VPS29: variants seen among roughly 807,000 people sequenced by gnomAD.
VPS29 encodes the protein vacuolar protein sorting-associated protein 29.
Under a neutral mutation model 20.0 loss-of-function variants are expected in VPS29, and 2 were observed. That is an observed-to-expected ratio of 0.10 (90% CI 0.04 to 0.31). The LOEUF (loss-of-function observed/expected upper bound fraction) is 0.31. VPS29 is among the 10% of genes least tolerant of loss of function. The pLI is 1.00. For missense variants in VPS29, 120 were observed against 215.3 expected (o/e 0.56, Z 2.77); for synonymous variants, 81 against 79.3 (o/e 1.02, Z -0.12).
At chr12:110,501,371 T>C (rs1174141257) in intron 1 of VPS29, 23 of 1,534,430 alleles carry the variant, frequency 1.5e-5, no homozygotes, top group Non-Finnish European at 1.9e-5. Context: ...TTCACAAAAA[T>C]TTCCCAACAG....
In VPS29 at chr12:110,493,235, A is replaced by C. The variant is rs2062847240; in HGVS notation, c.196-4T>G. ...TCTGTTCTGGATAATTCAGATTCTAACATAAGAAAAAGACGTAAGAAAATA... is the reference window on the plus strand; with the variant it reads ...TCTGTTCTGGATAATTCAGATTCTACCATAAGAAAAAGACGTAAGAAAATA... On this transcript the variant is annotated splice_polypyrimidine_tract_variant and splice_region_variant and intron_variant, in intron 2 of 3. Coordinates refer to ENST00000549578, the MANE Select transcript of VPS29 (RefSeq NM_016226.5). 6.7e-7 allele frequency: 1 copy of C among 1,486,958 alleles called. No homozygotes were observed. The allele number at this position is 1,486,958 out of a possible 1,614,324, so 92.1% of individuals were successfully genotyped here. A position where few individuals can be genotyped will look rare whatever the true frequency, so the allele number is the denominator to read the frequency against.
intron 1 of VPS29, chr12:110,496,791 G>C (rs569899802): frequency 6.6e-6 from 1 of 152,310 alleles, no homozygotes; most frequent in Admixed American, 6.5e-5. Context: ...CTATGTGCAA[G>C]CATAATAGCC....
At chr12:110,499,398 T>A in intron 1 of VPS29, 1 of 1,271,238 alleles carries the variant, frequency 7.9e-7, no homozygotes, top group Non-Finnish European at 1.1e-6. Flanking sequence ...CTTATTAAAT[T>A]AAAATAAAGA....
intron 2 of VPS29, among the ~76,000 whole-genome samples, chr12:110,493,969 C>T (rs976650236): frequency 2.0e-5 from 3 of 152,118 alleles, no homozygotes; most frequent in African/African-American, 7.2e-5. Context: ...CCAGGCACTA[C>T]TGTAGGGGTT....
chr12:110,499,605 A>C (rs750337351), intron 1 of VPS29: 1 of 1,332,650 alleles, frequency 7.5e-7, no homozygotes, highest in Non-Finnish European at 1.1e-6. Flanking sequence ...AGGGTGAAAC[A>C]TGACCAATGT....
At chr12:110,501,690 T>A (rs1344554592) in intron 1 of VPS29, 1 of 1,430,204 alleles carries the variant, frequency 7.0e-7, no homozygotes, top group Non-Finnish European at 9.5e-7. Flanking sequence ...AGGAACCGTC[T>A]GGAAACGGAG....
In VPS29 at chr12:110,493,126, G is replaced by A. The variant is rs1169398697; in HGVS notation, c.301C>T (p.Leu101=). 15 of 1,613,902 alleles carry A rather than the reference G, an allele frequency of 9.3e-6. No homozygotes were observed. Among genetic ancestry groups the A allele is most frequent in the African/African-American group, 1.3e-5 (1 of 75,012 alleles). ...IPWGDMASLA[L]LQRQFDVDIL... is the part of the protein sequence containing the mutation. ...TCCACATCAAATTGCCTCTGCAACA[G>A]GGCTAAGCTGGCCATATCTCCCCAT... The change falls in exon 3 of 4, where the codon CTG becomes TTG. Residue 101 remains leucine (L), a synonymous_variant. Transcript: ENST00000549578.
intron 1 of VPS29, among the ~76,000 whole-genome samples, chr12:110,497,970 ATTTT>A: frequency 7.6e-6 from 1 of 131,434 alleles, no homozygotes. Flanking sequence ...AACAGAATCG[ATTTT>A]TTTTTTTTTT....
intron 3 of VPS29, among the ~76,000 whole-genome samples, chr12:110,492,587 C>T (rs2062833201): frequency 7.0e-6 from 1 of 142,882 alleles, no homozygotes; most frequent in African/African-American, 2.6e-5. Context: ...AAAAAAGTCA[C>T]ATTTATTTTT....
chr12:110,500,892 A>T (rs1222383525), intron 1 of VPS29, among the ~76,000 whole-genome samples: 4 of 152,144 alleles, frequency 2.6e-5, no homozygotes, highest in African/African-American at 9.7e-5. Context: ...TGAAAATATG[A>T]TTACAGGCCG....
intron 2 of VPS29, 47 bp downstream of exon 2, chr12:110,495,965 T>C: frequency 2.8e-6 from 4 of 1,433,062 alleles, no homozygotes; most frequent in Non-Finnish European, 3.7e-6. Context: ...ATGTAAGTAA[T>C]AATCAAGAAA....
intron 2 of VPS29, among the ~76,000 whole-genome samples, chr12:110,493,652 G>A (rs1054311470): frequency 2.6e-5 from 4 of 152,068 alleles, no homozygotes; most frequent in African/African-American, 7.2e-5. Context: ...CTGAGCCACT[G>A]TGCCCACCCC....
At chr12:110,501,114 A>T (rs528365741) in intron 1 of VPS29, among the ~76,000 whole-genome samples, 1 of 152,202 alleles carries the variant, frequency 6.6e-6, no homozygotes, top group Non-Finnish European at 1.5e-5. Flanking sequence ...CCCGGGCGGC[A>T]TTGCAGTGAG....
intron 3 of VPS29, among the ~76,000 whole-genome samples, chr12:110,492,670 G>A (rs2062837357): frequency 1.3e-5 from 2 of 149,930 alleles, no homozygotes; most frequent in Non-Finnish European, 3.0e-5. Flanking sequence ...CACCCTGGCT[G>A]GAGTACAGAG....
intron 1 of VPS29, chr12:110,501,610 C>A (rs777256154): frequency 6.5e-7 from 1 of 1,534,938 alleles, no homozygotes; most frequent in Non-Finnish European, 8.7e-7. Flanking sequence ...ACTTCCTGTT[C>A]TGCATTCGAG....
Position 110,501,509 on chromosome 12 carries a change from T to C in VPS29, c.3+540A>G, listed in dbSNP as rs187486741. 13 of 1,535,464 alleles carry C rather than the reference T, an allele frequency of 8.5e-6. 1 individual carries two copies. In the East Asian group the frequency reaches 2.9e-4, roughly 35 times the overall value. ...CTGAGAGCACACCTGCTCATCTCAATGGCAGCTAGATGTTATTTCAGGAGC... is the reference window on the plus strand; with the variant it reads ...CTGAGAGCACACCTGCTCATCTCAACGGCAGCTAGATGTTATTTCAGGAGC... On this transcript the variant is annotated intron_variant, in intron 1 of 3. Coordinates refer to ENST00000549578, the MANE Select transcript of VPS29 (RefSeq NM_016226.5).
At position 110,493,007 on chromosome 12, in the gene VPS29, A is replaced by G. The variant is rs1339423498; in HGVS notation, c.420T>C (p.Asn140=). 12 of 1,612,400 alleles carry G rather than the reference A, an allele frequency of 7.4e-6. No homozygotes were observed. Among genetic ancestry groups the G allele is most frequent in the Non-Finnish European group, 1.0e-5 (12 of 1,179,398 alleles). ...INPGSATGAY[N]ALETNIIPSF... The stretch of plus-strand genomic sequence containing the variant: ...TCTATACTACTCACGTTTCCAAGGC[A>G]TTATATGCCCCAGTGGCAGAACCTG... Residue 140 remains asparagine, a synonymous_variant, in exon 3 of 4, where the codon AAT becomes AAC. Transcript: ENST00000549578.
chr12:110,502,084 C>T lies in VPS29; in HGVS notation c.-33G>A. ...CCGGGCTCCGCTCAGTCACCACCAC[C>T]GTCGCCGCCCTCTTCCTCAGGCTCC... On this transcript the variant is annotated 5_prime_UTR_variant, in exon 1 of 4. Coordinates refer to ENST00000549578, the MANE Select transcript of VPS29 (RefSeq NM_016226.5). 1.9e-6 allele frequency: 3 copies of T among 1,605,204 alleles called. No homozygotes were observed. The highest frequency in any genetic ancestry group is 2.6e-6 in the Non-Finnish European group (3 of 1,175,272).
At chr12:110,500,531 G>A (rs1489608111) in intron 1 of VPS29, among the ~76,000 whole-genome samples, 1 of 152,180 alleles carries the variant, frequency 6.6e-6, no homozygotes, top group Non-Finnish European at 1.5e-5. Flanking sequence ...TTTTAAAGAA[G>A]CATGCACCAT....
Sources: gnomAD v4.1 joint callset for allele counts (sites outside exome capture counted in the v4.1 genomes callset) on GRCh38, gnomAD v4.1.1 for gene constraint, MANE v1.5 for transcripts, NCBI Gene and HGNC (gene_info 2026-07-23, HGNC 2026-07-21) for gene names.